The following DPYD variants were observed in gnomAD, a reference collection of about 807,000 sequenced individuals.
The protein encoded by DPYD is dihydropyrimidine dehydrogenase [NADP(+)].
In DPYD, 109 loss-of-function variants were observed where a neutral mutation model predicts 116.2. The ratio of observed to expected loss-of-function variants is 0.94; its 90% CI spans 0.80 to 1.10. The LOEUF is 1.10. DPYD is among the 50% of genes least tolerant of loss of function. The pLI is 0.00. For synonymous variants in DPYD, 440 were observed against 432.0 expected, an observed-to-expected ratio of 1.02 and a Z score of -0.23; for missense variants, 1,302 against 1,254.5, an observed-to-expected ratio of 1.04 and a Z score of -0.57.
intron 3 of DPYD, among the ~76,000 whole-genome samples, chr1:97,779,680 T>C (rs1357886429): frequency 6.6e-6 from 1 of 152,148 alleles, no homozygotes; most frequent in Admixed American, 6.5e-5. Flanking sequence ...TTATTTTTTA[T>C]CTTTATCAAG....
At chr1:97,392,856 A>G (rs1160789817) in intron 14 of DPYD, among the ~76,000 whole-genome samples, 2 of 151,998 alleles carry the variant, frequency 1.3e-5, no homozygotes, top group Admixed American at 1.3e-4. Context: ...CCTCCACTGA[A>G]GTCTTGAATC....
At chr1:97,515,593 A>G (rs1570879873) in intron 13 of DPYD, 133 bp downstream of exon 13, 1 of 777,906 alleles carries the variant, frequency 1.3e-6, no homozygotes. Flanking sequence ...CTAAAGATTA[A>G]TGTGTAATGA....
At chr1:97,357,419 T>G (rs112749677) in intron 16 of DPYD, among the ~76,000 whole-genome samples, 1 of 152,142 alleles carries the variant, frequency 6.6e-6, no homozygotes, top group African/African-American at 2.4e-5. Flanking sequence ...AAGATCATGT[T>G]AGTAAACAGC....
At position 97,343,503 on chromosome 1, in the gene DPYD, T is replaced by A. The variant is rs186708794; in HGVS notation, c.2058+30058A>T. Among the ~76,000 whole-genome samples the A allele has an allele frequency of 4.7e-4, 72 of 152,234 alleles. 1 individual carries two copies. In the East Asian group the frequency reaches 0.013, roughly 27 times the overall value. On this transcript the variant is annotated intron_variant, in intron 16 of 22. Coordinates refer to ENST00000370192, the MANE Select transcript of DPYD (RefSeq NM_000110.4). ...ATCATGCTATTTAAAATAAATAATT[T>A]AAAAAATATACTTGTCCTTAACACA...
At chr1:97,244,237 A>G (rs1237578771) in intron 18 of DPYD, among the ~76,000 whole-genome samples, 1 of 152,028 alleles carries the variant, frequency 6.6e-6, no homozygotes, top group Non-Finnish European at 1.5e-5. Context: ...TAAATAACCA[A>G]TTTCTGTAGA....
chr1:97,521,737 C>A (rs1648685013), intron 12 of DPYD, among the ~76,000 whole-genome samples: 3 of 151,836 alleles, frequency 2.0e-5, no homozygotes, highest in South Asian at 4.2e-4. Flanking sequence ...CAGAACAGAA[C>A]CCTCAGAAAT....
intron 13 of DPYD, among the ~76,000 whole-genome samples, chr1:97,473,512 G>C (rs928347075): frequency 2.6e-5 from 4 of 152,002 alleles, no homozygotes; most frequent in African/African-American, 4.8e-5. Context: ...GATTCACAAA[G>C]AGCCAAAAAG....
At chr1:97,092,984 T>C (rs1344686530) in intron 21 of DPYD, among the ~76,000 whole-genome samples, 1 of 152,140 alleles carries the variant, frequency 6.6e-6, no homozygotes, top group African/African-American at 2.4e-5. Flanking sequence ...CATTATGGCA[T>C]ACCTGAAATA....
intron 13 of DPYD, among the ~76,000 whole-genome samples, chr1:97,511,364 A>T (rs1186802694): frequency 6.6e-6 from 1 of 152,020 alleles, no homozygotes; most frequent in Non-Finnish European, 1.5e-5. Context: ...ATGACCTATA[A>T]TATTACACAT....
At chr1:97,784,562 C>T (rs972965695) in intron 3 of DPYD, among the ~76,000 whole-genome samples, 12 of 152,096 alleles carry the variant, frequency 7.9e-5, no homozygotes, top group African/African-American at 1.7e-4. Context: ...ACAAAATAGG[C>T]GATTACTTTA....
intron 8 of DPYD, among the ~76,000 whole-genome samples, chr1:97,598,021 A>G (rs758403764): frequency 6.6e-6 from 1 of 152,156 alleles, no homozygotes; most frequent in Non-Finnish European, 1.5e-5. Context: ...GATAAACCAT[A>G]TATATAATTG....
At chr1:97,206,654 AT>A (rs1659633843) in intron 19 of DPYD, among the ~76,000 whole-genome samples, 1 of 74,982 alleles carries the variant, frequency 1.3e-5, no homozygotes, top group Non-Finnish European at 2.2e-5. Context: ...ATATATATAT[AT>A]ATATATATAT....
intron 3 of DPYD, among the ~76,000 whole-genome samples, chr1:97,811,106 T>G (rs1668330593): frequency 6.6e-6 from 1 of 152,142 alleles, no homozygotes; most frequent in Admixed American, 6.5e-5. Flanking sequence ...GATTAACTCT[T>G]TGTTGAAGAC....
At chr1:97,859,621 G>A (rs1671019837) in intron 2 of DPYD, among the ~76,000 whole-genome samples, 1 of 152,098 alleles carries the variant, frequency 6.6e-6, no homozygotes, top group Non-Finnish European at 1.5e-5. Flanking sequence ...ACTAGCTCCA[G>A]GTCTCTTCTT....
At chr1:97,475,294 C>A (rs1413218294) in intron 13 of DPYD, among the ~76,000 whole-genome samples, 1 of 151,806 alleles carries the variant, frequency 6.6e-6, no homozygotes, top group Non-Finnish European at 1.5e-5. Flanking sequence ...AAAATAAACT[C>A]TAGATATATT....
chr1:97,346,904 C>A (rs897442885), intron 16 of DPYD, among the ~76,000 whole-genome samples: 6 of 151,914 alleles, frequency 3.9e-5, no homozygotes, highest in Middle Eastern at 3.4e-3. Context: ...GTGCTTAGAA[C>A]AATGTCTAGC....
At chr1:97,237,241 C>CAAAAAAAAAAAAAAAAAA (rs58926889) in intron 18 of DPYD, among the ~76,000 whole-genome samples, 1 of 57,696 alleles carries the variant, frequency 1.7e-5, no homozygotes, top group African/African-American at 6.8e-5. Flanking sequence ...GATTCTGTCT[C>CAAAAAAAAAAAAAAAAAA]AAAAAAAAAA....
chr1:97,659,917 A>G (rs919758157), intron 8 of DPYD, among the ~76,000 whole-genome samples: 1 of 152,136 alleles, frequency 6.6e-6, no homozygotes, highest in Non-Finnish European at 1.5e-5. Context: ...CCCAGTGCAC[A>G]TAGCATAATA....
intron 16 of DPYD, among the ~76,000 whole-genome samples, chr1:97,368,404 A>C (rs1034931221): frequency 1.1e-4 from 16 of 152,164 alleles, no homozygotes; most frequent in African/African-American, 3.9e-4. Context: ...CCCGTCATCA[A>C]CTCAAGGAAA....
Sources: allele counts gnomAD v4.1 joint callset (sites outside exome capture counted in the v4.1 genomes callset), GRCh38; gene constraint gnomAD v4.1.1; transcripts MANE v1.5; gene names NCBI Gene and HGNC (gene_info 2026-07-23, HGNC 2026-07-21).